The following EPB41L4B variants were observed in gnomAD, a reference collection of about 807,000 sequenced individuals.
EPB41L4B encodes band 4.1-like protein 4B.
EPB41L4B carries 30 observed loss-of-function variants against 112.5 expected under a neutral mutation model. The ratio of observed to expected loss-of-function variants is 0.27; its 90% CI spans 0.20 to 0.36. The LOEUF is 0.36. EPB41L4B is among the 10% of genes least tolerant of loss of function. The pLI is 1.00. For synonymous variants in EPB41L4B, 408 were observed against 439.7 expected (o/e 0.93, Z 0.90); for missense variants, 1,024 against 1,133.3 (o/e 0.90, Z 1.38).
intron 13 of EPB41L4B, among the ~76,000 whole-genome samples, chr9:109,248,021 A>G (rs1309603762): frequency 6.6e-6 from 1 of 152,246 alleles, no homozygotes; most frequent in Non-Finnish European, 1.5e-5. Flanking sequence ...AAACAGAAAC[A>G]GTAGGAAATA....
At chr9:109,200,360 A>G (rs1283839285) in intron 19 of EPB41L4B, 26 bp from the exon 20 acceptor site, 2 of 1,578,506 alleles carry the variant, frequency 1.3e-6, no homozygotes, top group Non-Finnish European at 1.7e-6. Flanking sequence ...AAAACAGAAC[A>G]ATACCATCAA....
intron 17 of EPB41L4B, among the ~76,000 whole-genome samples, chr9:109,211,834 GC>G (rs1833189620): frequency 6.7e-6 from 1 of 149,336 alleles, no homozygotes; most frequent in Non-Finnish European, 1.5e-5. Flanking sequence ...TTCTGCCTCA[GC>G]CTCCCTAGTA....
At chr9:109,279,048 C>T (rs1179556981) in intron 2 of EPB41L4B, among the ~76,000 whole-genome samples, 3 of 152,168 alleles carry the variant, frequency 2.0e-5, no homozygotes, top group Non-Finnish European at 4.4e-5. Flanking sequence ...CAACCCCATC[C>T]ACCCCCAACC....
At position 109,245,106 on chromosome 9, in the gene EPB41L4B, C is replaced by A. The variant is rs1834503321; in HGVS notation, c.1345-1424G>T. Among the ~76,000 whole-genome samples the A allele has an allele frequency of 2.0e-5, 3 of 152,218 alleles. No homozygotes were observed. In the South Asian group the frequency reaches 6.2e-4, roughly 32 times the overall value. On this transcript the variant is annotated intron_variant, in intron 14 of 25. Transcript: ENST00000374566. ...AGCAGGATCTGGGAGCTGACCAGGG[C>A]TTTAGCATCTCCCTGCTGCAATCTC...
At chr9:109,218,765 T>G (rs1346740234) in intron 15 of EPB41L4B, among the ~76,000 whole-genome samples, 1 of 152,118 alleles carries the variant, frequency 6.6e-6, no homozygotes, top group African/African-American at 2.4e-5. Context: ...GTCAACCCAG[T>G]GAAAATACCC....
At chr9:109,289,089 AGTCACT>A (rs1037660349) in intron 1 of EPB41L4B, among the ~76,000 whole-genome samples, 54 of 152,186 alleles carry the variant, frequency 3.5e-4, no homozygotes, top group African/African-American at 1.2e-3. Flanking sequence ...CCCTTGTCTT[AGTCACT>A]TCTCTGCTCA....
chr9:109,194,175 C>G (rs777551612), intron 21 of EPB41L4B, 45 bp downstream of exon 21: 3 of 1,585,166 alleles, frequency 1.9e-6, no homozygotes, highest in Non-Finnish European at 2.6e-6. Context: ...ATACTGAATT[C>G]CCAGCAAGTG....
chr9:109,255,944 A>T (rs1443300538), intron 9 of EPB41L4B, 101 bp from the exon 10 acceptor site: 1 of 1,311,042 alleles, frequency 7.6e-7, no homozygotes, highest in East Asian at 2.4e-5. Flanking sequence ...GACTAAAAAA[A>T]AAATAAAAAC....
intron 18 of EPB41L4B, among the ~76,000 whole-genome samples, chr9:109,205,933 T>A (rs1832978679): frequency 6.6e-6 from 1 of 152,180 alleles, no homozygotes; most frequent in Non-Finnish European, 1.5e-5. Flanking sequence ...GTTCTACATC[T>A]TACTGCCTCC....
Position 109,207,965 on chromosome 9 carries a change from G to C in EPB41L4B, c.1837C>G (p.Leu613Val), listed in dbSNP as rs1833039799. The C allele has an allele frequency of 6.2e-7, 1 of 1,614,050 alleles. No individual in the cohort carries two copies. The highest frequency in any genetic ancestry group is 1.3e-5 in the African/African-American group (1 of 74,928). Residue 613 changes from leucine (L) to valine (V), a missense_variant, in exon 18 of 26, where the codon CTG (leucine) becomes GTG (valine). By Grantham distance (32) the Leu-to-Val change is conservative. Coordinates refer to ENST00000374566, the MANE Select transcript of EPB41L4B (RefSeq NM_019114.5). Reference sequence around the variant, plus strand: ...GAAGCATTTTCCAACTGGGCTTTCAGAATGTTACACTTCACATGATCCGCA... The same window carrying C: ...GAAGCATTTTCCAACTGGGCTTTCACAATGTTACACTTCACATGATCCGCA... ...PVADHVKCNI[L>V]KAQLENASRV...
chr9:109,210,654 T>C (rs1396583235), intron 17 of EPB41L4B, among the ~76,000 whole-genome samples: 2 of 152,244 alleles, frequency 1.3e-5, no homozygotes, highest in African/African-American at 4.8e-5. Flanking sequence ...CTATATGAAC[T>C]GACGCAGGTG....
chr9:109,316,784 G>A (rs973805049), intron 1 of EPB41L4B, among the ~76,000 whole-genome samples: 3 of 152,166 alleles, frequency 2.0e-5, no homozygotes, highest in African/African-American at 7.2e-5. Context: ...CTGGAAAGCT[G>A]CTGACTATCC....
intron 21 of EPB41L4B, among the ~76,000 whole-genome samples, chr9:109,193,732 G>A (rs1325344429): frequency 6.6e-6 from 1 of 152,198 alleles, no homozygotes; most frequent in Non-Finnish European, 1.5e-5. Context: ...CTTTGTCATA[G>A]CCCATTCACA....
chr9:109,262,593 G>A (rs183313159), intron 6 of EPB41L4B, among the ~76,000 whole-genome samples: 18 of 152,114 alleles, frequency 1.2e-4, no homozygotes, highest in African/African-American at 3.1e-4. Context: ...TATAGCCAAC[G>A]TGGCCTTTCT....
At chr9:109,280,117 A>G (rs1171739934) in intron 1 of EPB41L4B, among the ~76,000 whole-genome samples, 196 bp from the exon 2 acceptor site, 1 of 152,250 alleles carries the variant, frequency 6.6e-6, no homozygotes, top group Admixed American at 6.5e-5. Context: ...ATAATAGCAT[A>G]AAGTTAAGAA....
intron 24 of EPB41L4B, among the ~76,000 whole-genome samples, chr9:109,180,118 G>T (rs139806664): frequency 6.6e-6 from 1 of 152,018 alleles, no homozygotes; most frequent in Admixed American, 6.6e-5. Flanking sequence ...CTTGCTTTCC[G>T]CATCCCAGTC....
At chr9:109,209,317 G>C (rs1833081891) in intron 17 of EPB41L4B, among the ~76,000 whole-genome samples, 1 of 151,778 alleles carries the variant, frequency 6.6e-6, no homozygotes, top group African/African-American at 2.4e-5. Flanking sequence ...CAAGACGGCA[G>C]AGACAGATTT....
intron 1 of EPB41L4B, among the ~76,000 whole-genome samples, chr9:109,303,525 T>C (rs1186956417): frequency 6.6e-6 from 1 of 152,026 alleles, no homozygotes; most frequent in Non-Finnish European, 1.5e-5. Flanking sequence ...TTTTTTGTTT[T>C]TGTTTTTTGT....
intron 1 of EPB41L4B, among the ~76,000 whole-genome samples, chr9:109,314,177 C>G (rs1043835341): frequency 1.3e-5 from 2 of 152,144 alleles, no homozygotes; most frequent in African/African-American, 4.8e-5. Context: ...CGGGGAGGAG[C>G]CCACTCCCAG....
Sources: allele counts gnomAD v4.1 joint callset (sites outside exome capture counted in the v4.1 genomes callset), GRCh38; gene constraint gnomAD v4.1.1; transcripts MANE v1.5; gene names NCBI Gene and HGNC (gene_info 2026-07-23, HGNC 2026-07-21).